The following DCC variants were observed in gnomAD, a reference collection of about 807,000 sequenced individuals.
DCC encodes netrin receptor DCC.
In DCC, 58 loss-of-function variants were observed where a neutral mutation model predicts 172.5. The observed-to-expected ratio is 0.34, with a 90% CI of 0.27 to 0.42. The LOEUF (loss-of-function observed/expected upper bound fraction) is 0.42, where lower values mean the gene tolerates loss of function less well. DCC is among the 10% of genes least tolerant of loss of function. DCC has a pLI of 1.00. For synonymous variants in DCC, 709 were observed against 644.5 expected, an observed-to-expected ratio of 1.10 and a Z score of -1.52; for missense variants, 1,740 against 1,791.0, an observed-to-expected ratio of 0.97 and a Z score of 0.51.
intron 1 of DCC, among the ~76,000 whole-genome samples, chr18:52,406,891 G>A (rs569707504): frequency 6.6e-6 from 1 of 152,000 alleles, no homozygotes; most frequent in African/African-American, 2.4e-5. Context: ...ATAAACCCAT[G>A]TGTGAGTCTG....
chr18:52,462,367 C>T (rs1006697412), intron 1 of DCC, among the ~76,000 whole-genome samples: 6 of 152,096 alleles, frequency 3.9e-5, no homozygotes, highest in African/African-American at 1.4e-4. Flanking sequence ...CTAAAGACAT[C>T]ATACAATCTG....
At position 52,842,761 on chromosome 18, in the gene DCC, G is replaced by A. The variant is rs189482834; in HGVS notation, c.413-63283G>A. Among the ~76,000 whole-genome samples the A allele has an allele frequency of 1.3e-5, 2 of 152,292 alleles. 1 individual carries two copies. The highest frequency in any genetic ancestry group is 1.3e-4 in the Admixed American group (2 of 15,294). Reference sequence around the variant, plus strand: ...TCAAGTTGAGAACCATTGAAATAGAGTGGTCCCTAATAAGTTATTTGAACA... The same window carrying A: ...TCAAGTTGAGAACCATTGAAATAGAATGGTCCCTAATAAGTTATTTGAACA... On this transcript the variant is annotated intron_variant, in intron 2 of 28. Coordinates refer to ENST00000442544, the MANE Select transcript of DCC (RefSeq NM_005215.4).
At chr18:53,165,755 C>T (rs1342176833) in intron 8 of DCC, among the ~76,000 whole-genome samples, 1 of 152,100 alleles carries the variant, frequency 6.6e-6, no homozygotes, top group East Asian at 1.9e-4. Context: ...ATGTCCATGT[C>T]CAGCAGTGTA....
chr18:53,278,027 C>T (rs1025223885), intron 12 of DCC, among the ~76,000 whole-genome samples: 3 of 152,058 alleles, frequency 2.0e-5, no homozygotes, highest in Non-Finnish European at 4.4e-5. Flanking sequence ...GGGATTGCAA[C>T]AGATATTTTG....
At chr18:52,796,620 T>G (rs1458126395) in intron 2 of DCC, among the ~76,000 whole-genome samples, 1 of 152,180 alleles carries the variant, frequency 6.6e-6, no homozygotes, top group East Asian at 1.9e-4. Context: ...ACTTGTTTTA[T>G]AAAGCATTTT....
At position 52,992,416 on chromosome 18, in the gene DCC, T is replaced by C. The variant is rs182022053; in HGVS notation, c.985+67046T>C. 2.0e-5 allele frequency among the ~76,000 whole-genome samples: 3 copies of C among 152,300 alleles called. No individual in the cohort carries two copies. In the East Asian group the frequency reaches 5.8e-4, roughly 29 times the overall value. On this transcript the variant is annotated intron_variant, in intron 5 of 28. Coordinates refer to ENST00000442544, the MANE Select transcript of DCC (RefSeq NM_005215.4). ...CAAGCAGTTTCTGTAGAAACCGTTT[T>C]GGGGAGATGAACAGGTTTTATGCAT...
In DCC at chr18:53,486,932, G is replaced by A. The variant is rs768577706; in HGVS notation, c.3872G>A (p.Arg1291Gln). The change falls in exon 26 of 29, where the codon CGA becomes CAA. Residue 1291 changes from arginine to glutamine, a missense_variant. Transcript: ENST00000442544. ...CCATTCCCAACACTCTCAGTGGACC[G>A]AGGTTTCGGAGCAGGAAGAAGTCAG... is the stretch of plus-strand genomic sequence containing the variant. ...PVPFPTLSVD[R>Q]GFGAGRSQSV... is the part of the protein sequence containing the mutation. 57 of 1,614,164 alleles carry A rather than the reference G, an allele frequency of 3.5e-5. No individual in the cohort carries two copies. The highest frequency in any genetic ancestry group is 1.3e-4 in the Admixed American group (8 of 60,020).
intron 1 of DCC, among the ~76,000 whole-genome samples, chr18:52,555,294 T>G (rs207476827): frequency 6.6e-6 from 1 of 152,100 alleles, no homozygotes. Flanking sequence ...GGTTTAAAAT[T>G]ATCATCCACA....
intron 5 of DCC, among the ~76,000 whole-genome samples, chr18:53,053,820 C>G (rs1461416123): frequency 6.6e-6 from 1 of 152,074 alleles, no homozygotes; most frequent in Non-Finnish European, 1.5e-5. Context: ...ACACTTAAAT[C>G]TTGTTTTCCT....
At chr18:53,430,824 A>C (rs572768193) in intron 21 of DCC, among the ~76,000 whole-genome samples, 2 of 152,264 alleles carry the variant, frequency 1.3e-5, no homozygotes, top group Admixed American at 1.3e-4. Flanking sequence ...CAATGAACAG[A>C]CTTCCTAAAG....
intron 7 of DCC, among the ~76,000 whole-genome samples, chr18:53,103,410 A>C (rs1045219920): frequency 6.6e-6 from 1 of 151,988 alleles, no homozygotes; most frequent in East Asian, 1.9e-4. Flanking sequence ...TTTTTCTTGA[A>C]GCCTATGCTG....
intron 1 of DCC, among the ~76,000 whole-genome samples, chr18:52,431,376 G>C (rs1987617163): frequency 4.6e-5 from 7 of 152,110 alleles, no homozygotes; most frequent in Admixed American, 4.6e-4. Flanking sequence ...TTGAATAAGT[G>C]AATGAACATT....
chr18:53,262,161 T>C (rs1294298991), intron 12 of DCC, among the ~76,000 whole-genome samples: 1 of 152,196 alleles, frequency 6.6e-6, no homozygotes, highest in Non-Finnish European at 1.5e-5. Flanking sequence ...GAAGCCAACA[T>C]GGCAGATTAG....
chr18:52,639,946 A>G (rs1163539204), intron 1 of DCC, among the ~76,000 whole-genome samples: 2 of 152,204 alleles, frequency 1.3e-5, no homozygotes, highest in Admixed American at 1.3e-4. Context: ...CTTGATGCAC[A>G]TAGATGCTAA....
intron 1 of DCC, among the ~76,000 whole-genome samples, chr18:52,355,797 G>A (rs966132979): frequency 6.6e-6 from 1 of 152,044 alleles, no homozygotes; most frequent in Admixed American, 6.5e-5. Context: ...GAACCAAATG[G>A]GTGAGAGGTG....
At chr18:53,020,265 A>G (rs2075258146) in intron 5 of DCC, among the ~76,000 whole-genome samples, 3 of 152,232 alleles carry the variant, frequency 2.0e-5, no homozygotes, top group South Asian at 2.1e-4. Context: ...TGATTTGGCC[A>G]TAGATCATCT....
At chr18:52,743,438 G>C (rs141339971) in intron 1 of DCC, among the ~76,000 whole-genome samples, 2 of 152,184 alleles carry the variant, frequency 1.3e-5, no homozygotes, top group East Asian at 3.9e-4. Flanking sequence ...CTACATGTCC[G>C]GAAATGTTAC....
intron 1 of DCC, among the ~76,000 whole-genome samples, chr18:52,678,302 T>C (rs916401003): frequency 6.6e-6 from 1 of 152,182 alleles, no homozygotes; most frequent in Non-Finnish European, 1.5e-5. Context: ...GGATGATCTA[T>C]AATCATTTCT....
At chr18:52,402,296 A>T (rs1986470352) in intron 1 of DCC, among the ~76,000 whole-genome samples, 1 of 151,994 alleles carries the variant, frequency 6.6e-6, no homozygotes, top group Non-Finnish European at 1.5e-5. Flanking sequence ...GGCCTGGTTC[A>T]TTTTGGGTGA....
Sources: gnomAD v4.1 joint callset for allele counts (sites outside exome capture counted in the v4.1 genomes callset) on GRCh38, gnomAD v4.1.1 for gene constraint, MANE v1.5 for transcripts, NCBI Gene and HGNC (gene_info 2026-07-23, HGNC 2026-07-21) for gene names.